The following HECW2 variants were observed in gnomAD, a reference collection of about 807,000 sequenced individuals.
The protein encoded by HECW2 is E3 ubiquitin-protein ligase HECW2.
A neutral mutation model predicts 175.2 loss-of-function variants in HECW2; 61 were observed. The ratio of observed to expected loss-of-function variants is 0.35; its 90% CI spans 0.28 to 0.43. HECW2 has a LOEUF of 0.43. Among genes scored for constraint, HECW2 ranks in the 20% least tolerant of loss-of-function variants. HECW2 has a pLI of 1.00. For missense variants in HECW2, 1,524 were observed against 2,000.5 expected, an observed-to-expected ratio of 0.76 and a Z score of 4.54; for synonymous variants, 671 against 731.0, an observed-to-expected ratio of 0.92 and a Z score of 1.32.
chr2:196,417,050 T>C (rs1461749749), intron 2 of HECW2, among the ~76,000 whole-genome samples: 2 of 152,238 alleles, frequency 1.3e-5, no homozygotes. Context: ...TTCCCTGTTG[T>C]TTTACTGAGC....
At chr2:196,216,916 GT>G (rs1575235567) in intron 27 of HECW2, 91 bp downstream of exon 27, 2 of 851,800 alleles carry the variant, frequency 2.3e-6, no homozygotes, top group East Asian at 5.9e-5. Flanking sequence ...CATGGTATGT[GT>G]TTATGGAGAA....
At chr2:196,315,149 AGTGTGTGTGTGTGT>A (rs58473650) in intron 10 of HECW2, among the ~76,000 whole-genome samples, 44 of 144,822 alleles carry the variant, frequency 3.0e-4, no homozygotes, top group Admixed American at 6.9e-4. Flanking sequence ...CGAGTGTATG[AGTGTGTGTGTGTGT>A]GTGTGTGTGT....
intron 1 of HECW2, among the ~76,000 whole-genome samples, chr2:196,587,817 A>G (rs1300007117): frequency 6.6e-6 from 1 of 152,210 alleles, no homozygotes; most frequent in East Asian, 1.9e-4. Context: ...AATCATAATT[A>G]AATGGCCTAT....
At chr2:196,529,467 C>G (rs188686715) in intron 1 of HECW2, among the ~76,000 whole-genome samples, 3 of 152,270 alleles carry the variant, frequency 2.0e-5, no homozygotes, top group Admixed American at 1.3e-4. Flanking sequence ...CCACCTGAAC[C>G]TTACTTCTTC....
intron 6 of HECW2, among the ~76,000 whole-genome samples, chr2:196,322,870 C>T (rs1692000195): frequency 6.6e-6 from 1 of 152,172 alleles, no homozygotes; most frequent in African/African-American, 2.4e-5. Flanking sequence ...GCAGCCCTTC[C>T]TAGTTTCACA....
intron 28 of HECW2, among the ~76,000 whole-genome samples, chr2:196,201,660 A>G (rs186606314): frequency 5.3e-5 from 8 of 152,326 alleles, no homozygotes; most frequent in African/African-American, 1.9e-4. Context: ...CATATAAATG[A>G]CCATTTATTG....
chr2:196,218,697 G>GA (rs143392917), intron 26 of HECW2, among the ~76,000 whole-genome samples: 1,890 of 148,682 alleles, frequency 0.013, 42 homozygotes, highest in African/African-American at 0.044. Context: ...CCCTCTGTCT[G>GA]AAAAAAAAAA....
At chr2:196,349,812 G>A (rs562468288) in intron 2 of HECW2, among the ~76,000 whole-genome samples, 1 of 152,178 alleles carries the variant, frequency 6.6e-6, no homozygotes, top group East Asian at 1.9e-4. Context: ...ACTATATAAT[G>A]ACACAGAGAA....
At chr2:196,375,254 T>G (rs1340855488) in intron 2 of HECW2, among the ~76,000 whole-genome samples, 1 of 152,106 alleles carries the variant, frequency 6.6e-6, no homozygotes, top group African/African-American at 2.4e-5. Context: ...AGATATCAAC[T>G]TAAAGAGAAC....
chr2:196,383,695 C>G (rs1289090040), intron 2 of HECW2, among the ~76,000 whole-genome samples: 2 of 152,156 alleles, frequency 1.3e-5, no homozygotes, highest in African/African-American at 2.4e-5. Context: ...GGGGCAGTGA[C>G]AGTCAAGGTT....
intron 1 of HECW2, among the ~76,000 whole-genome samples, chr2:196,566,594 C>T (rs905722269): frequency 4.7e-5 from 7 of 149,820 alleles, no homozygotes; most frequent in South Asian, 2.1e-4. Flanking sequence ...TGCAGTGGCA[C>T]GATCTTGGCT....
chr2:196,490,006 T>C (rs1053784062), intron 1 of HECW2, among the ~76,000 whole-genome samples: 1 of 152,132 alleles, frequency 6.6e-6, no homozygotes, highest in Non-Finnish European at 1.5e-5. Flanking sequence ...CTGCATAATG[T>C]CCATGCCACT....
intron 3 of HECW2, among the ~76,000 whole-genome samples, chr2:196,340,861 A>G (rs1249104095): frequency 6.6e-6 from 1 of 152,058 alleles, no homozygotes; most frequent in Non-Finnish European, 1.5e-5. Flanking sequence ...CAGTTTTACA[A>G]TTATGCTCCG....
In HECW2 at chr2:196,292,684, T is replaced by C; in HGVS notation, c.2881A>G (p.Thr961Ala). 1.2e-6 allele frequency: 2 copies of C among 1,614,120 alleles called. No homozygotes were observed. The highest frequency in any genetic ancestry group is 1.7e-6 in the Non-Finnish European group (2 of 1,179,986). Residue 961 changes from threonine (T) to alanine (A), a missense_variant, in exon 14 of 29, where the codon ACC becomes GCC. Transcript: ENST00000644978. ...KHMITKVRRD[T>A]HHFERYQHNR... ...TGCTGGTAGCGTTCAAAGTGGTGGG[T>C]GTCCCTCCGGACTTTGGTGATCATG...
At chr2:196,222,407 G>A in intron 23 of HECW2, 67 bp from the exon 24 acceptor site, 4 of 1,452,156 alleles carry the variant, frequency 2.8e-6, no homozygotes, top group African/African-American at 1.4e-5. Flanking sequence ...AGAGTCATAA[G>A]GAAAGAAACT....
At chr2:196,574,506 T>G (rs957565116) in intron 1 of HECW2, among the ~76,000 whole-genome samples, 3 of 151,690 alleles carry the variant, frequency 2.0e-5, no homozygotes, top group Non-Finnish European at 4.4e-5. Flanking sequence ...CATCAAAAAT[T>G]ACAAAATATC....
chr2:196,346,026 A>G (rs948393805), intron 2 of HECW2, among the ~76,000 whole-genome samples: 1 of 152,204 alleles, frequency 6.6e-6, no homozygotes, highest in African/African-American at 2.4e-5. Flanking sequence ...AGTTATGTAC[A>G]TGGGAAATTT....
intron 1 of HECW2, among the ~76,000 whole-genome samples, chr2:196,516,456 A>AT (rs917834317): frequency 6.6e-6 from 1 of 151,984 alleles, no homozygotes; most frequent in Admixed American, 6.6e-5. Flanking sequence ...AATTTTTGTA[A>AT]TTTTTTCCTT....
chr2:196,400,825 A>AG (rs962042760), intron 2 of HECW2, among the ~76,000 whole-genome samples: 8 of 151,910 alleles, frequency 5.3e-5, no homozygotes, highest in African/African-American at 1.9e-4. Flanking sequence ...AAATGCAAAA[A>AG]AAAAAAAAGA....
Sources: allele counts gnomAD v4.1 joint callset (sites outside exome capture counted in the v4.1 genomes callset), GRCh38; gene constraint gnomAD v4.1.1; transcripts MANE v1.5; gene names NCBI Gene and HGNC (gene_info 2026-07-23, HGNC 2026-07-21).